DYNC2I2: variants seen among roughly 807,000 people sequenced by gnomAD.
The protein encoded by DYNC2I2 is dynein 2 intermediate chain 2.
Under a neutral mutation model 52.0 loss-of-function variants are expected in DYNC2I2, and 39 were observed. That is an observed-to-expected ratio of 0.75 (90% CI 0.58 to 0.98). The LOEUF (loss-of-function observed/expected upper bound fraction) is 0.98. Ranked by LOEUF, DYNC2I2 falls within the 50% of genes least tolerant of loss-of-function variation. The pLI, the probability that DYNC2I2 is intolerant of heterozygous loss-of-function variation, is 0.00. For synonymous variants in DYNC2I2, 359 were observed against 321.1 expected, an observed-to-expected ratio of 1.12 and a Z score of -1.26; for missense variants, 743 against 728.4, an observed-to-expected ratio of 1.02 and a Z score of -0.23.
intron 1 of DYNC2I2, among the ~76,000 whole-genome samples, chr9:128,645,485 C>T (rs554236222): frequency 3.4e-4 from 51 of 150,520 alleles, no homozygotes; most frequent in Non-Finnish European, 5.9e-4. Context: ...GGCATGGTGG[C>T]GGGCGCCTGT....
chr9:128,670,196 T>C, the DYNC2I2 span, among the ~76,000 whole-genome samples: 5 of 151,976 alleles, frequency 3.3e-5, no homozygotes, highest in African/African-American at 1.2e-4. Flanking sequence ...ACCCCAGCAC[T>C]TTGGGAGCCC....
Position 128,640,930 on chromosome 9 carries a change from G to A in DYNC2I2, c.196C>T (p.Gln66Ter), listed in dbSNP as rs1352572838. The A allele has an allele frequency of 6.3e-7, 1 of 1,589,060 alleles. No homozygotes were observed. Among genetic ancestry groups the A allele is most frequent in the Non-Finnish European group, 8.6e-7 (1 of 1,164,782 alleles). Residue 66 changes from glutamine (Q) to a stop codon, truncating the protein, a stop_gained, in exon 2 of 9, where the codon CAG (glutamine) becomes TAG (stop). Transcript: ENST00000372715. LOFTEE classifies it high-confidence loss of function. The part of the protein sequence containing the change: ...QGIRWETKSC[Q>*]TASIATASAS... The stretch of plus-strand genomic sequence containing the variant: ...CTGGCAGTGGCAATGCTGGCCGTCT[G>A]GCAACTTTTCTGGGGGGAGGGTGAA...
intron 4 of DYNC2I2, 60 bp from the exon 5 acceptor site, chr9:128,635,827 C>T (rs1860398539): frequency 2.7e-6 from 4 of 1,490,570 alleles, no homozygotes; most frequent in Non-Finnish European, 3.7e-6. Flanking sequence ...ACTTCCTGGC[C>T]AAACACCCGC....
Position 128,650,004 on chromosome 9 carries a change from A to C in DYNC2I2, c.186+6537T>G, listed in dbSNP as rs1369315977. ...CGAGACTCTAAAATATAAATAAATA[A>C]ATGAAAAATTTTTTAAAAAACTACT... On this transcript the variant is annotated intron_variant, in intron 1 of 8. Transcript: ENST00000372715. 3.5e-5 allele frequency among the ~76,000 whole-genome samples: 2 copies of C among 56,952 alleles called. 1 individual carries two copies. The highest frequency in any genetic ancestry group is 1.5e-4 in the Non-Finnish European group (2 of 13,580). The allele number at this position is 56,952 out of a possible 152,430, so 37.4% of individuals were successfully genotyped here. A position where few individuals can be genotyped will look rare whatever the true frequency, so the allele number is the denominator to read the frequency against.
At chr9:128,635,807 C>T in intron 4 of DYNC2I2, 40 bp from the exon 5 acceptor site, 4 of 1,560,094 alleles carry the variant, frequency 2.6e-6, no homozygotes, top group Non-Finnish European at 3.5e-6. Context: ...TCAGCCCCAC[C>T]CCCAGCCTGA....
chr9:128,650,526 CATAT>C (rs57194999), intron 1 of DYNC2I2, among the ~76,000 whole-genome samples: 10,924 of 41,436 alleles, frequency 0.26, 4,700 homozygotes, highest in Non-Finnish European at 0.49. Flanking sequence ...GGCCAAAGAC[CATAT>C]ATATATATAT....
At chr9:128,669,229 G>A in the DYNC2I2 span, among the ~76,000 whole-genome samples, 11 of 152,170 alleles carry the variant, frequency 7.2e-5, no homozygotes, top group African/African-American at 2.6e-4. Flanking sequence ...GCCAGGCGTG[G>A]TGGCATGCGC....
At chr9:128,635,905 C>T (rs768526558) in intron 4 of DYNC2I2, 138 bp from the exon 5 acceptor site, 2 of 794,616 alleles carry the variant, frequency 2.5e-6, no homozygotes, top group Non-Finnish European at 4.2e-6. Context: ...GTCATCCCCA[C>T]AGAGGGAGAG....
chr9:128,659,707 G>A (rs1011298474), upstream of DYNC2I2, among the ~76,000 whole-genome samples: 1 of 151,720 alleles, frequency 6.6e-6, no homozygotes, highest in Non-Finnish European at 1.5e-5. Context: ...TCAGGAGTTC[G>A]AGACCAGCCT....
At chr9:128,657,442 CCG>C, upstream of DYNC2I2, among the ~76,000 whole-genome samples, 1 of 152,036 alleles carries the variant, frequency 6.6e-6, no homozygotes, top group Non-Finnish European at 1.5e-5. Context: ...TTCTGCCATT[CCG>C]CGCGCCCCAC....
At chr9:128,658,634 T>C (rs1022172416), upstream of DYNC2I2, among the ~76,000 whole-genome samples, 3 of 151,738 alleles carry the variant, frequency 2.0e-5, no homozygotes, top group African/African-American at 7.3e-5. Context: ...GCCAATTTTT[T>C]GTATTTTTAG....
At position 128,656,573 on chromosome 9, in the gene DYNC2I2, A is replaced by G; in HGVS notation, c.154T>C (p.Trp52Arg). Residue 52 changes from tryptophan (W) to arginine (R), a missense_variant, in exon 1 of 9, where the codon TGG becomes CGG. Coordinates refer to ENST00000372715, the MANE Select transcript of DYNC2I2 (RefSeq NM_052844.4). ...CAGCGGATGCCCTGGACGGCCCTCC[A>G]CTGCGAGGGCACGGACGCCACACCC... is the stretch of plus-strand genomic sequence containing the variant. The part of the protein sequence containing the change: ...TLGVASVPSQ[W>R]RAVQGIRWET... The G allele has an allele frequency of 6.8e-7, 1 of 1,479,234 alleles. No homozygotes were observed. 91.6% of individuals were successfully genotyped at this position (1,479,234 alleles called of 1,614,324 possible).
intron 5 of DYNC2I2, 107 bp downstream of exon 5, chr9:128,635,551 A>G: frequency 9.8e-7 from 1 of 1,017,092 alleles, no homozygotes; most frequent in Non-Finnish European, 1.5e-6. Flanking sequence ...AGAATGCAGG[A>G]GGCAGCTGTC....
chr9:128,638,394 G>A (rs1001925151), intron 2 of DYNC2I2, among the ~76,000 whole-genome samples: 1 of 152,028 alleles, frequency 6.6e-6, no homozygotes, highest in African/African-American at 2.4e-5. Flanking sequence ...GCACGTGCCT[G>A]TGGTCCCAGC....
intron 1 of DYNC2I2, among the ~76,000 whole-genome samples, chr9:128,652,545 C>G (rs964009938): frequency 6.6e-6 from 1 of 150,646 alleles, no homozygotes; most frequent in Non-Finnish European, 1.5e-5. Flanking sequence ...ATCGCTTGAA[C>G]CCGGGAGGTG....
At chr9:128,684,153 T>C in the DYNC2I2 span, 2 of 660,188 alleles carry the variant, frequency 3.0e-6, no homozygotes, top group Non-Finnish European at 5.2e-6. Flanking sequence ...TAAGTTTGCG[T>C]GAAGAACCAG....
the DYNC2I2 span, among the ~76,000 whole-genome samples, chr9:128,678,556 G>C: frequency 6.1e-5 from 8 of 130,368 alleles, no homozygotes; most frequent in East Asian, 1.9e-3. Context: ...CCACCTCCCA[G>C]GTTCAAGCGA....
At chr9:128,637,686 G>A (rs1047018420) in intron 2 of DYNC2I2, among the ~76,000 whole-genome samples, 3 of 152,096 alleles carry the variant, frequency 2.0e-5, no homozygotes, top group East Asian at 1.9e-4. Flanking sequence ...CAGGTGATCC[G>A]CCTGCCTCGG....
At chr9:128,658,597 GATT>G (rs1162008121), upstream of DYNC2I2, among the ~76,000 whole-genome samples, 3 of 151,824 alleles carry the variant, frequency 2.0e-5, no homozygotes, top group Non-Finnish European at 2.9e-5. Context: ...GAGTAGCTGG[GATT>G]ACAGGCAACC....
Sources: gnomAD v4.1 joint callset for allele counts (sites outside exome capture counted in the v4.1 genomes callset) on GRCh38, gnomAD v4.1.1 for gene constraint, MANE v1.5 for transcripts, NCBI Gene and HGNC (gene_info 2026-07-23, HGNC 2026-07-21) for gene names.